AGPAT5: variants seen among roughly 807,000 people sequenced by gnomAD.
The protein encoded by AGPAT5 is 1-acyl-sn-glycerol-3-phosphate acyltransferase epsilon.
A neutral mutation model predicts 45.6 loss-of-function variants in AGPAT5; 46 were observed. That is an observed-to-expected ratio of 1.01 (90% confidence interval 0.80 to 1.29). The LOEUF is 1.29. Ranked by LOEUF, AGPAT5 falls within the 50% of genes most tolerant of loss-of-function variation. The pLI is 0.00. For missense variants in AGPAT5, 673 were observed against 450.7 expected, an observed-to-expected ratio of 1.49 and a Z score of -4.47; for synonymous variants, 272 against 167.0, an observed-to-expected ratio of 1.63 and a Z score of -4.85.
At chr8:6,709,614 G>A (rs1162001311) in intron 1 of AGPAT5, 1 of 151,870 alleles carries the variant, frequency 6.6e-6, no homozygotes, top group African/African-American at 2.4e-5. Flanking sequence ...TGAAAGAACA[G>A]CTTTATTCTT....
intron 6 of AGPAT5, 26 bp from the exon 7 acceptor site, chr8:6,755,025 A>AG: frequency 6.5e-7 from 1 of 1,545,890 alleles, no homozygotes; most frequent in Non-Finnish European, 8.7e-7. Flanking sequence ...TAGTAAAAAA[A>AG]AAGAATTATT....
At chr8:6,747,643 T>C (rs1427331404) in intron 5 of AGPAT5, 27 bp from the exon 6 acceptor site, 1 of 1,594,964 alleles carries the variant, frequency 6.3e-7, no homozygotes, top group Non-Finnish European at 8.6e-7. Context: ...TGTAACTAAT[T>C]AATGACGGCA....
intron 1 of AGPAT5, among the ~76,000 whole-genome samples, chr8:6,721,361 G>A (rs954350237): frequency 5.3e-5 from 8 of 152,166 alleles, no homozygotes; most frequent in Non-Finnish European, 8.8e-5. Context: ...ACTGGGGAGA[G>A]ATAGACTAGC....
intron 2 of AGPAT5, among the ~76,000 whole-genome samples, chr8:6,727,237 C>G (rs1800718232): frequency 6.6e-6 from 1 of 152,146 alleles, no homozygotes; most frequent in African/African-American, 2.4e-5. Context: ...TTAAATTAGT[C>G]TCTCTCTTCC....
chr8:6,758,844 T>C lies in AGPAT5; in HGVS notation c.*1456T>C, dbSNP rs990521472. On this transcript the variant is annotated 3_prime_UTR_variant, in exon 8 of 8. Coordinates refer to ENST00000285518, the MANE Select transcript of AGPAT5 (RefSeq NM_018361.5). ...CCTTTAAGTTGACATTTCTGCTTACTGCTACTGGATTTTTGCTGCAGAAAT... is the reference window on the plus strand; with the variant it reads ...CCTTTAAGTTGACATTTCTGCTTACCGCTACTGGATTTTTGCTGCAGAAAT... The C allele has an allele frequency of 2.0e-5, 3 of 152,690 alleles. No individual in the cohort carries two copies. The highest frequency in any genetic ancestry group is 2.9e-5 in the Non-Finnish European group (2 of 68,046). 9.5% of individuals were successfully genotyped at this position (152,690 alleles called of 1,614,324 possible).
At chr8:6,742,343 C>T (rs1181532623) in intron 5 of AGPAT5, among the ~76,000 whole-genome samples, 1 of 152,136 alleles carries the variant, frequency 6.6e-6, no homozygotes, top group Non-Finnish European at 1.5e-5. Context: ...TCTTAATATC[C>T]ATATTTTAGA....
At chr8:6,713,434 AAAAT>A (rs1415249742) in intron 1 of AGPAT5, among the ~76,000 whole-genome samples, 1 of 152,282 alleles carries the variant, frequency 6.6e-6, no homozygotes, top group African/African-American at 2.4e-5. Context: ...AAGTTTATAT[AAAAT>A]AAACAGGTTT....
intron 1 of AGPAT5, among the ~76,000 whole-genome samples, chr8:6,718,976 G>T (rs1001504867): frequency 1.3e-5 from 2 of 152,182 alleles, no homozygotes; most frequent in Admixed American, 6.5e-5. Flanking sequence ...ATTATGATTG[G>T]AATGATGTCA....
chr8:6,709,717 A>G (rs1351636454), intron 1 of AGPAT5, among the ~76,000 whole-genome samples: 6 of 151,258 alleles, frequency 4.0e-5, no homozygotes, highest in Non-Finnish European at 8.8e-5. Flanking sequence ...TTGTCTTTTT[A>G]ACTTTTTTTT....
chr8:6,718,193 A>C (rs185153088), intron 1 of AGPAT5, among the ~76,000 whole-genome samples: 2 of 152,248 alleles, frequency 1.3e-5, no homozygotes, highest in Non-Finnish European at 2.9e-5. Flanking sequence ...GGGCAGTACC[A>C]AAAGACACAT....
intron 6 of AGPAT5, among the ~76,000 whole-genome samples, chr8:6,750,019 A>G (rs1801607963): frequency 6.6e-6 from 1 of 152,160 alleles, no homozygotes; most frequent in African/African-American, 2.4e-5. Context: ...CCCCATGCAT[A>G]TTCAGTAGTT....
At chr8:6,756,628 G>T (rs1018638053) in intron 7 of AGPAT5, among the ~76,000 whole-genome samples, 2 of 147,508 alleles carry the variant, frequency 1.4e-5, no homozygotes, top group Non-Finnish European at 3.0e-5. Context: ...AAAAAAAAAA[G>T]GATTTGGGAG....
In AGPAT5 at chr8:6,757,566, C is replaced by T; in HGVS notation, c.*178C>T. The T allele has an allele frequency of 1.0e-5, 6 of 584,380 alleles. No homozygotes were observed. The highest frequency in any genetic ancestry group is 8.9e-5 in the South Asian group (4 of 45,026). The allele number at this position is 584,380 out of a possible 1,614,324, so 36.2% of individuals were successfully genotyped here. A position where few individuals can be genotyped will look rare whatever the true frequency, so the allele number is the denominator to read the frequency against. ...ATGCAATGGTCTTGGGCAAACATAC[C>T]TGGTTGTACAACTTTAGCATCGGGG... On this transcript the variant is annotated 3_prime_UTR_variant, in exon 8 of 8. Coordinates refer to ENST00000285518, the MANE Select transcript of AGPAT5 (RefSeq NM_018361.5).
chr8:6,711,730 T>C (rs1196745371), intron 1 of AGPAT5, among the ~76,000 whole-genome samples: 6 of 152,162 alleles, frequency 3.9e-5, no homozygotes. Context: ...CTGGAGGCCC[T>C]AGGGGGAATC....
chr8:6,750,263 C>A (rs1801616273), intron 6 of AGPAT5, among the ~76,000 whole-genome samples: 1 of 152,184 alleles, frequency 6.6e-6, no homozygotes, highest in Non-Finnish European at 1.5e-5. Context: ...ATCATAAGTG[C>A]CTTGAGGAAG....
intron 4 of AGPAT5, among the ~76,000 whole-genome samples, chr8:6,736,746 C>T (rs768526910): frequency 5.3e-5 from 8 of 152,234 alleles, no homozygotes; most frequent in Non-Finnish European, 8.8e-5. Context: ...CTGAGCCATT[C>T]AGGCAGTGCA....
chr8:6,743,220 G>C (rs186589212), intron 5 of AGPAT5, among the ~76,000 whole-genome samples: 22 of 152,256 alleles, frequency 1.4e-4, no homozygotes, highest in African/African-American at 4.8e-4. Flanking sequence ...AGGTTTTGGT[G>C]TTTGATTAAT....
At chr8:6,709,126 C>T (rs940269120) in intron 1 of AGPAT5, 4 of 580,996 alleles carry the variant, frequency 6.9e-6, no homozygotes, top group Admixed American at 5.8e-5. Flanking sequence ...CCGCCCCTTT[C>T]CCCGCCCCTC....
In AGPAT5 at chr8:6,757,290, G is replaced by A. The variant is rs766414781; in HGVS notation, c.997G>A (p.Ala333Thr). The change falls in exon 8 of 8, where the codon GCA becomes ACA. Residue 333 changes from alanine (A) to threonine (T), a missense_variant. Physicochemically the swap from Ala to Thr is moderately conservative, Grantham distance 58. Transcript: ENST00000285518. ...PSMLILSGLT[A>T]GMLMTDAGRK... ...AATGTTGATCTTAAGTGGTTTGACT[G>A]CAGGCATGCTTATGACCGATGCTGG... is the stretch of plus-strand genomic sequence containing the variant. 2.5e-6 allele frequency: 4 copies of A among 1,614,210 alleles called. No homozygotes were observed. Among genetic ancestry groups the A allele is most frequent in the Non-Finnish European group, 3.4e-6 (4 of 1,180,026 alleles).
Sources: allele counts gnomAD v4.1 joint callset (sites outside exome capture counted in the v4.1 genomes callset), GRCh38; gene constraint gnomAD v4.1.1; transcripts MANE v1.5; gene names NCBI Gene and HGNC (gene_info 2026-07-23, HGNC 2026-07-21).